EPB41L4A: variants seen among roughly 807,000 people sequenced by gnomAD.
EPB41L4A encodes band 4.1-like protein 4A.
In EPB41L4A, 100 loss-of-function variants were observed where a neutral mutation model predicts 108.6. The observed-to-expected ratio is 0.92, with a 90% confidence interval of 0.78 to 1.09. EPB41L4A has a LOEUF of 1.09. Ranked by LOEUF, EPB41L4A falls within the 50% of genes least tolerant of loss-of-function variation. EPB41L4A has a pLI of 0.00. For missense variants in EPB41L4A, 1,030 were observed against 842.7 expected (o/e 1.22, Z -2.75); for synonymous variants, 319 against 289.0 (o/e 1.10, Z -1.05).
chr5:112,356,783 T>C (rs540270504), intron 1 of EPB41L4A, among the ~76,000 whole-genome samples: 2 of 152,302 alleles, frequency 1.3e-5, no homozygotes, highest in South Asian at 2.1e-4. Context: ...ACATGCAAGC[T>C]TGATGGTGAA....
At chr5:112,418,658 T>C (rs550681476) in intron 1 of EPB41L4A, among the ~76,000 whole-genome samples, 1 of 152,250 alleles carries the variant, frequency 6.6e-6, no homozygotes, top group East Asian at 1.9e-4. Flanking sequence ...CAGAGGCTTT[T>C]GGAGAAAACC....
intron 15 of EPB41L4A, 54 bp downstream of exon 15, chr5:112,204,321 G>T: frequency 8.2e-7 from 1 of 1,224,156 alleles, no homozygotes; most frequent in Non-Finnish European, 1.2e-6. Context: ...AGTCAGGCCT[G>T]GGACAAAATG....
chr5:112,356,164 A>G (rs866633411), intron 1 of EPB41L4A, among the ~76,000 whole-genome samples: 1 of 152,150 alleles, frequency 6.6e-6, no homozygotes, highest in African/African-American at 2.4e-5. Flanking sequence ...TGTGGGTAGA[A>G]GTCCCACAAT....
downstream of EPB41L4A, chr5:112,161,318 G>T (rs546353299): frequency 2.8e-4 from 103 of 363,284 alleles, 2 homozygotes; most frequent in South Asian, 2.1e-3. Flanking sequence ...GTTCGTGCAA[G>T]ACCAGTCGCC....
At chr5:112,234,136 T>C (rs886899426) in intron 12 of EPB41L4A, among the ~76,000 whole-genome samples, 6 of 150,900 alleles carry the variant, frequency 4.0e-5, no homozygotes, top group Non-Finnish European at 8.9e-5. Flanking sequence ...CTGGGCAACA[T>C]AGTGAGACCC....
At chr5:112,353,757 A>G (rs1475393268) in intron 1 of EPB41L4A, among the ~76,000 whole-genome samples, 1 of 152,150 alleles carries the variant, frequency 6.6e-6, no homozygotes, top group Non-Finnish European at 1.5e-5. Context: ...TTGGGTCCCC[A>G]AACAGCACAC....
chr5:112,343,322 AGAATTCAGATTCT>A (rs1757438664), intron 1 of EPB41L4A, among the ~76,000 whole-genome samples: 1 of 152,216 alleles, frequency 6.6e-6, no homozygotes, highest in South Asian at 2.1e-4. Flanking sequence ...ACAGTGATTA[AGAATTCAGATTCT>A]GGATCCAGAC....
intron 12 of EPB41L4A, among the ~76,000 whole-genome samples, chr5:112,148,209 A>G (rs1456582946): frequency 2.0e-5 from 3 of 148,256 alleles, no homozygotes; most frequent in Non-Finnish European, 4.5e-5. Flanking sequence ...ATATAATATA[A>G]TAATATAGTT....
intron 1 of EPB41L4A, among the ~76,000 whole-genome samples, chr5:112,351,842 T>A (rs970633476): frequency 4.6e-5 from 7 of 152,164 alleles, no homozygotes; most frequent in Non-Finnish European, 1.0e-4. Flanking sequence ...GATGAGTCAA[T>A]AAACGCAAAT....
intron 11 of EPB41L4A, among the ~76,000 whole-genome samples, chr5:112,236,721 G>A (rs1351523966): frequency 6.6e-6 from 1 of 152,134 alleles, no homozygotes; most frequent in Non-Finnish European, 1.5e-5. Context: ...AGCCCCTTCA[G>A]CCTCTAAGTG....
chr5:112,337,815 G>A (rs969429437), intron 1 of EPB41L4A, among the ~76,000 whole-genome samples: 8 of 152,142 alleles, frequency 5.3e-5, no homozygotes, highest in Non-Finnish European at 1.0e-4. Context: ...CTTCTAATAT[G>A]AGTGGTCAGG....
chr5:112,241,706 T>C (rs911526062), intron 9 of EPB41L4A, among the ~76,000 whole-genome samples: 7 of 152,214 alleles, frequency 4.6e-5, no homozygotes, highest in African/African-American at 1.7e-4. Context: ...ATAAGGAATT[T>C]GAGCATTCTC....
intron 11 of EPB41L4A, among the ~76,000 whole-genome samples, chr5:112,236,036 G>A (rs1391979799): frequency 2.0e-5 from 3 of 152,166 alleles, no homozygotes; most frequent in African/African-American, 7.2e-5. Context: ...ACTTTCAACA[G>A]ACTATTAACA....
At chr5:112,284,691 C>T (rs553385714) in intron 2 of EPB41L4A, among the ~76,000 whole-genome samples, 26 of 152,286 alleles carry the variant, frequency 1.7e-4, no homozygotes, top group Admixed American at 1.3e-3. Flanking sequence ...CCTAAACACT[C>T]CATCACTGAG....
At chr5:112,259,345 G>C in intron 8 of EPB41L4A, 53 bp from the exon 9 acceptor site, 2 of 1,444,680 alleles carry the variant, frequency 1.4e-6, no homozygotes, top group Non-Finnish European at 1.9e-6. Context: ...TAACCTTTCA[G>C]AAAATCAGGG....
intron 1 of EPB41L4A, among the ~76,000 whole-genome samples, chr5:112,376,720 C>T (rs535914307): frequency 6.6e-6 from 1 of 152,160 alleles, no homozygotes; most frequent in Non-Finnish European, 1.5e-5. Flanking sequence ...ACTGTTGACA[C>T]GTGCTACAAA....
chr5:112,145,935 G>T (rs1317645620), exon 13 of EPB41L4A: 5 of 456,606 alleles, frequency 1.1e-5, no homozygotes, highest in Non-Finnish European at 2.2e-5. Flanking sequence ...ACCTTCTGAA[G>T]TGCCTTGTTC....
chr5:112,364,020 T>C (rs417573), intron 1 of EPB41L4A, among the ~76,000 whole-genome samples: 75,446 of 150,528 alleles, frequency 0.5, 18,898 homozygotes, highest in South Asian at 0.64. Flanking sequence ...TTCATTCATT[T>C]ATTCATTCAT....
chr5:112,381,555 T>TA (rs1159437370), intron 1 of EPB41L4A, among the ~76,000 whole-genome samples: 1 of 152,164 alleles, frequency 6.6e-6, no homozygotes, highest in Non-Finnish European at 1.5e-5. Context: ...CATAAGCAAA[T>TA]AAACAATTTT....
Sources: allele counts gnomAD v4.1 joint callset (sites outside exome capture counted in the v4.1 genomes callset), GRCh38; gene constraint gnomAD v4.1.1; transcripts MANE v1.5; gene names NCBI Gene and HGNC (gene_info 2026-07-23, HGNC 2026-07-21).